Variants in CCDC7 observed in about 807,000 individuals in gnomAD.
The protein encoded by CCDC7 is coiled-coil domain containing 7, also known as coiled-coil domain-containing protein 7.
Under a neutral mutation model 196.9 loss-of-function variants are expected in CCDC7, and 183 were observed. That is an observed-to-expected ratio of 0.93 (90% confidence interval 0.82 to 1.05). The LOEUF (loss-of-function observed/expected upper bound fraction) is 1.05. Ranked by LOEUF, CCDC7 falls within the 50% of genes least tolerant of loss-of-function variation. The probability of loss-of-function intolerance (pLI) is 0.00; values close to 1 mark genes in which losing one functional copy is unlikely to be tolerated. For missense variants in CCDC7, 1,540 were observed against 1,482.2 expected (o/e 1.04, Z -0.64); for synonymous variants, 525 against 484.6 (o/e 1.08, Z -1.10).
intron 3 of CCDC7, among the ~76,000 whole-genome samples, chr10:32,461,709 GTATA>G (rs771403958): frequency 4.2e-4 from 24 of 57,488 alleles, no homozygotes; most frequent in African/African-American, 7.8e-4. Flanking sequence ...GTGTGTGTGT[GTATA>G]TATATATATA....
At chr10:32,469,526 G>C (rs975290925) in intron 5 of CCDC7, among the ~76,000 whole-genome samples, 1 of 152,186 alleles carries the variant, frequency 6.6e-6, no homozygotes, top group African/African-American at 2.4e-5. Flanking sequence ...TTAGGAATCT[G>C]CCCTCTGTGA....
At chr10:32,549,359 G>A (rs2053080213) in intron 13 of CCDC7, among the ~76,000 whole-genome samples, 1 of 152,032 alleles carries the variant, frequency 6.6e-6, no homozygotes, top group South Asian at 2.1e-4. Context: ...TCCACTCTGT[G>A]GGTTGTCTGA....
chr10:32,521,296 A>C (rs1174783837), intron 11 of CCDC7, among the ~76,000 whole-genome samples: 1 of 152,138 alleles, frequency 6.6e-6, no homozygotes, highest in African/African-American at 2.4e-5. Context: ...GAATCTGTAC[A>C]TTGCTTTGGG....
At chr10:32,785,466 T>C (rs1015790691) in intron 29 of CCDC7, among the ~76,000 whole-genome samples, 3 of 152,126 alleles carry the variant, frequency 2.0e-5, no homozygotes, top group Non-Finnish European at 1.5e-5. Flanking sequence ...TAAATAGGTT[T>C]TTATAAGGAA....
chr10:32,584,164 A>G (rs1258329886), intron 17 of CCDC7, 68 bp from the exon 19 acceptor site: 4 of 718,800 alleles, frequency 5.6e-6, no homozygotes, highest in Non-Finnish European at 8.0e-6. Context: ...AGGTAATTAA[A>G]TACCAGTCTT....
chr10:32,611,206 G>A (rs544606416), intron 18 of CCDC7, among the ~76,000 whole-genome samples: 45 of 152,182 alleles, frequency 3.0e-4, no homozygotes, highest in East Asian at 1.2e-3. Flanking sequence ...TTTGTTAGCC[G>A]CATAAATATC....
intron 31 of CCDC7, among the ~76,000 whole-genome samples, chr10:32,820,560 C>A (rs572736771): frequency 5.9e-5 from 9 of 152,148 alleles, no homozygotes; most frequent in South Asian, 2.1e-4. Flanking sequence ...ACCTGACTTC[C>A]AACTATACTA....
intron 11 of CCDC7, among the ~76,000 whole-genome samples, chr10:32,532,309 A>G (rs553358708): frequency 6.6e-6 from 1 of 152,122 alleles, no homozygotes; most frequent in Non-Finnish European, 1.5e-5. Flanking sequence ...TTGTTTAGGA[A>G]CGTGGTAACA....
intron 8 of CCDC7, among the ~76,000 whole-genome samples, chr10:32,476,868 A>G (rs1190441204): frequency 1.3e-5 from 2 of 152,154 alleles, no homozygotes; most frequent in African/African-American, 4.8e-5. Context: ...TTGGTGAGGT[A>G]TTCAGGTCTT....
intron 20 of CCDC7, among the ~76,000 whole-genome samples, chr10:32,640,020 G>A (rs1451833765): frequency 6.6e-6 from 1 of 152,208 alleles, no homozygotes; most frequent in African/African-American, 2.4e-5. Flanking sequence ...ATATTCTGTT[G>A]ATTTGGGGTG....
chr10:32,697,958 C>T (rs1038067822), intron 24 of CCDC7, among the ~76,000 whole-genome samples: 4 of 152,136 alleles, frequency 2.6e-5, no homozygotes, highest in African/African-American at 9.7e-5. Flanking sequence ...CTGGCAGCCC[C>T]TTTGAGACAA....
intron 13 of CCDC7, among the ~76,000 whole-genome samples, chr10:32,561,296 A>G (rs1194296800): frequency 7.2e-5 from 11 of 152,198 alleles, no homozygotes; most frequent in Non-Finnish European, 7.3e-5. Flanking sequence ...TGCACCAAGC[A>G]GACCTAATAG....
At chr10:32,505,980 ACTTCCCAGACGGGGTGGCCAGGCAGAGG>A (rs1564488425) in intron 9 of CCDC7, among the ~76,000 whole-genome samples, 4 of 146,956 alleles carry the variant, frequency 2.7e-5, no homozygotes, top group Non-Finnish European at 6.0e-5. Flanking sequence ...GGCGCTCCTC[ACTTCCCAGACGGGGTGGCCAGGCAGAGG>A]CGCTCCTCAC....
At chr10:32,732,485 AT>A (rs1482745350) in intron 28 of CCDC7, among the ~76,000 whole-genome samples, 1 of 152,064 alleles carries the variant, frequency 6.6e-6, no homozygotes, top group Non-Finnish European at 1.5e-5. Flanking sequence ...GGTTCTGTTT[AT>A]TTTATCATTT....
At chr10:32,540,193 C>T (rs2051175681) in intron 11 of CCDC7, among the ~76,000 whole-genome samples, 2 of 152,130 alleles carry the variant, frequency 1.3e-5, no homozygotes, top group Non-Finnish European at 2.9e-5. Context: ...GGGTATCAAT[C>T]TGGGCGGTCC....
At chr10:32,847,392 C>G (rs73264310) in intron 37 of CCDC7, among the ~76,000 whole-genome samples, 6,941 of 152,152 alleles carry the variant, frequency 0.046, 541 homozygotes, top group African/African-American at 0.16. Context: ...TGTGAGAGTT[C>G]CAGGTGTTGG....
chr10:32,609,442 T>C (rs1365093559), intron 18 of CCDC7, among the ~76,000 whole-genome samples: 2 of 146,948 alleles, frequency 1.4e-5, no homozygotes, highest in Non-Finnish European at 2.9e-5. Flanking sequence ...TTGCTTTTGG[T>C]TTTTGTTTGC....
In CCDC7 at chr10:32,502,071, C is replaced by T. The variant is rs531189842; in HGVS notation, c.872+10074C>T. Among the ~76,000 whole-genome samples, 10 of 152,230 alleles carry T rather than the reference C, an allele frequency of 6.6e-5. No individual in the cohort carries two copies. In the South Asian group the frequency reaches 1.7e-3, roughly 25 times the overall value. ...TCAAGCCTCAGCAATGGTGGATGCC[C>T]CTCCCCCTACCAAGGTCGAGTATCC... On this transcript the variant is annotated intron_variant, in intron 9 of 41. Transcript: ENST00000639629.
exon 19 of CCDC7, chr10:32,634,361 G>A (rs2065295496): frequency 1.8e-6 from 2 of 1,100,730 alleles, no homozygotes; most frequent in Non-Finnish European, 2.3e-6. Flanking sequence ...GGAAAGACAT[G>A]AGGGTAAGTA....
Sources: allele counts gnomAD v4.1 joint callset (sites outside exome capture counted in the v4.1 genomes callset), GRCh38; gene constraint gnomAD v4.1.1; transcripts MANE v1.5; gene names NCBI Gene and HGNC (gene_info 2026-07-23, HGNC 2026-07-21).